Variants in NID1 observed in about 807,000 individuals in gnomAD.
NID1 encodes the protein nidogen 1.
Under a neutral mutation model 130.6 loss-of-function variants are expected in NID1, and 76 were observed. That is an observed-to-expected ratio of 0.58 (90% CI 0.48 to 0.70). The LOEUF is 0.70. Ranked by LOEUF, NID1 falls within the 30% of genes least tolerant of loss-of-function variation. The pLI is 0.00. For synonymous variants in NID1, 665 were observed against 675.1 expected, an observed-to-expected ratio of 0.98 and a Z score of 0.23; for missense variants, 1,517 against 1,664.8, an observed-to-expected ratio of 0.91 and a Z score of 1.54.
chr1:236,056,618 A>C (rs1162339052), intron 1 of NID1, among the ~76,000 whole-genome samples: 1 of 152,188 alleles, frequency 6.6e-6, no homozygotes, highest in African/African-American at 2.4e-5. Flanking sequence ...CCCATTAACC[A>C]ACCTCTTTTC....
At chr1:235,996,756 T>C (rs1392579432) in intron 12 of NID1, among the ~76,000 whole-genome samples, 1 of 152,148 alleles carries the variant, frequency 6.6e-6, no homozygotes, top group African/African-American at 2.4e-5. Flanking sequence ...TCATGTATTT[T>C]TTTAAGTGGC....
At position 235,977,742 on chromosome 1, in the gene NID1, T is replaced by A; in HGVS notation, c.*125A>T. 1.8e-6 allele frequency: 2 copies of A among 1,100,680 alleles called. No individual in the cohort carries two copies. The highest frequency in any genetic ancestry group is 3.0e-5 in the South Asian group (2 of 66,938). The allele number at this position is 1,100,680 out of a possible 1,614,324, so 68.2% of individuals were successfully genotyped here. A position where few individuals can be genotyped will look rare whatever the true frequency, so the allele number is the denominator to read the frequency against. ...ACAGTGAGGGAAAAGTTGTTGGGGC[T>A]CAGGCTGGGCTGGGTCTGGGCCTAG... On this transcript the variant is annotated 3_prime_UTR_variant, in exon 20 of 20. Coordinates refer to ENST00000264187, the MANE Select transcript of NID1 (RefSeq NM_002508.3).
At chr1:236,061,778 G>T (rs1463049412) in intron 1 of NID1, among the ~76,000 whole-genome samples, 1 of 151,592 alleles carries the variant, frequency 6.6e-6, no homozygotes, top group Non-Finnish European at 1.5e-5. Context: ...ATTTGAACAG[G>T]CATTTCTCCA....
At chr1:235,980,799 A>G (rs561002170) in intron 16 of NID1, 146 bp from the exon 17 acceptor site, 337 of 909,678 alleles carry the variant, frequency 3.7e-4, no homozygotes, top group Non-Finnish European at 5.2e-4. Flanking sequence ...AGGTGATAAA[A>G]CACATTTTCT....
chr1:236,041,811 C>T (rs1197957834), intron 4 of NID1, 99 bp downstream of exon 4: 6 of 1,438,410 alleles, frequency 4.2e-6, no homozygotes, highest in Middle Eastern at 2.1e-4. Flanking sequence ...CTTTACAAAC[C>T]ACCATGTAAT....
At chr1:236,047,919 G>A (rs1349914147) in intron 2 of NID1, among the ~76,000 whole-genome samples, 1 of 150,840 alleles carries the variant, frequency 6.6e-6, no homozygotes, top group African/African-American at 2.4e-5. Context: ...CCAGCTACTC[G>A]GGAGGCTGAG....
intron 4 of NID1, among the ~76,000 whole-genome samples, chr1:236,039,388 T>C (rs1225687275): frequency 6.6e-6 from 1 of 151,756 alleles, no homozygotes; most frequent in Non-Finnish European, 1.5e-5. Flanking sequence ...TTATATTCTT[T>C]TTAATTTTAA....
chr1:236,045,362 G>A, intron 3 of NID1, 95 bp downstream of exon 3: 1 of 846,652 alleles, frequency 1.2e-6, no homozygotes, highest in Non-Finnish European at 1.9e-6. Flanking sequence ...TAAATCCATA[G>A]GAACATTTTT....
intron 5 of NID1, among the ~76,000 whole-genome samples, chr1:236,034,029 T>A (rs1005968668): frequency 6.6e-6 from 1 of 152,174 alleles, no homozygotes; most frequent in Non-Finnish European, 1.5e-5. Context: ...GCAGCATTAC[T>A]CACCAGAGCC....
chr1:235,985,277 T>C (rs919914162), intron 15 of NID1, 102 bp downstream of exon 15: 4 of 1,198,742 alleles, frequency 3.3e-6, no homozygotes, highest in Non-Finnish European at 1.2e-6. Flanking sequence ...TGAGAAATGT[T>C]TGTGAAAGTT....
intron 19 of NID1, among the ~76,000 whole-genome samples, 155 bp from the exon 20 acceptor site, chr1:235,978,143 A>G (rs1361844163): frequency 6.6e-6 from 1 of 152,226 alleles, no homozygotes; most frequent in East Asian, 1.9e-4. Context: ...TGTGCTAGGC[A>G]GTCAGCTGAG....
At chr1:236,021,838 A>G (rs577786865) in intron 9 of NID1, among the ~76,000 whole-genome samples, 1 of 152,324 alleles carries the variant, frequency 6.6e-6, no homozygotes, top group East Asian at 1.9e-4. Context: ...AGTAGATTAC[A>G]ATTTAGTAAC....
chr1:236,057,455 C>T (rs541939416), intron 1 of NID1, among the ~76,000 whole-genome samples: 4 of 152,046 alleles, frequency 2.6e-5, no homozygotes, highest in Admixed American at 2.0e-4. Flanking sequence ...CTCAGCTGGG[C>T]GTGGTGGCTC....
chr1:236,057,890 T>C (rs1018423155), intron 1 of NID1, among the ~76,000 whole-genome samples: 5 of 152,166 alleles, frequency 3.3e-5, no homozygotes, highest in African/African-American at 1.2e-4. Context: ...AACCAGGGTT[T>C]ATCACATGTT....
chr1:236,040,531 A>G (rs975600405), intron 4 of NID1, among the ~76,000 whole-genome samples: 2 of 152,226 alleles, frequency 1.3e-5, no homozygotes, highest in African/African-American at 4.8e-5. Context: ...ATCATTCCTT[A>G]GTAGAAAAGC....
At chr1:236,001,916 A>T (rs10803214) in intron 12 of NID1, among the ~76,000 whole-genome samples, 89,853 of 152,144 alleles carry the variant, frequency 0.59, 27,674 homozygotes, top group East Asian at 0.78. Flanking sequence ...ATTCTACCAC[A>T]GCAGGGCTTT....
intron 10 of NID1, among the ~76,000 whole-genome samples, chr1:236,014,009 C>G (rs566376623): frequency 1.3e-5 from 2 of 152,208 alleles, no homozygotes; most frequent in East Asian, 3.9e-4. Context: ...CTTGGCCCAC[C>G]CTGTACAGGT....
intron 3 of NID1, among the ~76,000 whole-genome samples, chr1:236,043,752 C>T (rs765221710): frequency 2.0e-5 from 3 of 152,142 alleles, no homozygotes; most frequent in Admixed American, 6.5e-5. Flanking sequence ...GAGCCAAGAT[C>T]GTGCCACTGC....
intron 1 of NID1, among the ~76,000 whole-genome samples, chr1:236,062,745 T>C (rs1025473093): frequency 9.2e-5 from 14 of 152,224 alleles, no homozygotes; most frequent in African/African-American, 2.9e-4. Flanking sequence ...GATATTTTCA[T>C]ATCACATCAT....
Sources: allele counts gnomAD v4.1 joint callset (sites outside exome capture counted in the v4.1 genomes callset), GRCh38; gene constraint gnomAD v4.1.1; transcripts MANE v1.5; gene names NCBI Gene and HGNC (gene_info 2026-07-23, HGNC 2026-07-21).